The following PELI2 variants were observed in gnomAD, a reference collection of about 807,000 sequenced individuals.
PELI2 encodes E3 ubiquitin-protein ligase pellino homolog 2.
Under a neutral mutation model 42.3 loss-of-function variants are expected in PELI2, and 23 were observed. That is an observed-to-expected ratio of 0.54 (90% CI 0.39 to 0.77). The LOEUF (loss-of-function observed/expected upper bound fraction) is 0.77, where lower values mean the gene tolerates loss of function less well. Ranked by LOEUF, PELI2 falls within the 30% of genes least tolerant of loss-of-function variation. PELI2 has a pLI of 0.00. For synonymous variants in PELI2, 245 were observed against 212.2 expected, an observed-to-expected ratio of 1.15 and a Z score of -1.34; for missense variants, 463 against 553.2, an observed-to-expected ratio of 0.84 and a Z score of 1.64.
chr14:56,118,884 G>C (rs1406922429), intron 1 of PELI2, 147 bp downstream of exon 1: 13 of 453,196 alleles, frequency 2.9e-5, no homozygotes, highest in African/African-American at 2.5e-4. Context: ...CCCGGACGGC[G>C]GCGCGGGGGC....
intron 3 of PELI2, among the ~76,000 whole-genome samples, chr14:56,285,969 G>A (rs1245925165): frequency 6.6e-6 from 1 of 152,120 alleles, no homozygotes; most frequent in Admixed American, 6.6e-5. Context: ...CAAATTGAGA[G>A]GAAACTTTTA....
intron 1 of PELI2, among the ~76,000 whole-genome samples, chr14:56,126,555 G>GTT (rs1037192613): frequency 1.8e-4 from 28 of 152,318 alleles, no homozygotes; most frequent in African/African-American, 6.7e-4. Flanking sequence ...GCAGTTGTGT[G>GTT]TTTGGCTTCT....
intron 2 of PELI2, among the ~76,000 whole-genome samples, chr14:56,261,106 A>G (rs1314211548): frequency 6.6e-6 from 1 of 151,728 alleles, no homozygotes; most frequent in Non-Finnish European, 1.5e-5. Context: ...CTTCCCAGTT[A>G]TTCAAGTTTG....
At chr14:56,136,450 G>C (rs938335454) in intron 1 of PELI2, among the ~76,000 whole-genome samples, 1 of 152,184 alleles carries the variant, frequency 6.6e-6, no homozygotes, top group Non-Finnish European at 1.5e-5. Flanking sequence ...TTGAAAATGA[G>C]ATTAAATCAG....
intron 5 of PELI2, among the ~76,000 whole-genome samples, chr14:56,294,721 A>G (rs1382845386): frequency 6.6e-6 from 1 of 152,162 alleles, no homozygotes; most frequent in Admixed American, 6.5e-5. Context: ...TTCGAGCCTG[A>G]TCTGTCTCCA....
intron 2 of PELI2, among the ~76,000 whole-genome samples, chr14:56,267,059 TG>T (rs2139846997): frequency 6.6e-6 from 1 of 152,210 alleles, no homozygotes; most frequent in East Asian, 1.9e-4. Context: ...CTAGTAGTAG[TG>T]GCTTTCTTAG....
intron 2 of PELI2, among the ~76,000 whole-genome samples, chr14:56,224,327 C>G (rs1566647971): frequency 6.6e-6 from 1 of 152,234 alleles, no homozygotes; most frequent in African/African-American, 2.4e-5. Context: ...TTTACTCAAT[C>G]TGTCTTGAAT....
chr14:56,301,252 G>A lies in PELI2; in HGVS notation c.*4086G>A, dbSNP rs868645110. 1.3e-5 allele frequency: 2 copies of A among 152,674 alleles called. No individual in the cohort carries two copies. Among genetic ancestry groups the A allele is most frequent in the East Asian group, 3.9e-4 (2 of 5,178 alleles). 9.5% of individuals were successfully genotyped at this position (152,674 alleles called of 1,614,324 possible). On this transcript the variant is annotated 3_prime_UTR_variant, in exon 6 of 6. Coordinates refer to ENST00000267460, the MANE Select transcript of PELI2 (RefSeq NM_021255.3). ...CACTATTGTACCTGTGGAAATACAA[G>A]CCATTTTACAGGAAAAAATCTTCAA...
intron 5 of PELI2, among the ~76,000 whole-genome samples, chr14:56,293,778 G>T (rs962085663): frequency 6.6e-6 from 1 of 152,168 alleles, no homozygotes; most frequent in Non-Finnish European, 1.5e-5. Context: ...GGAGTCAAGG[G>T]TATGTGGAAA....
chr14:56,274,935 T>A (rs1030338163), intron 2 of PELI2, among the ~76,000 whole-genome samples: 1 of 152,204 alleles, frequency 6.6e-6, no homozygotes, highest in South Asian at 2.1e-4. Context: ...TAAAGTGGTT[T>A]TTATAGACTC....
chr14:56,225,576 G>A (rs1022862149), intron 2 of PELI2, among the ~76,000 whole-genome samples: 1 of 152,184 alleles, frequency 6.6e-6, no homozygotes, highest in Non-Finnish European at 1.5e-5. Context: ...GCAGAGCCTG[G>A]GCCATTCTAC....
At chr14:56,215,874 C>T (rs1379901778) in intron 2 of PELI2, among the ~76,000 whole-genome samples, 1 of 152,178 alleles carries the variant, frequency 6.6e-6, no homozygotes, top group East Asian at 1.9e-4. Flanking sequence ...AAAGTAATGA[C>T]ACTACAGTGG....
chr14:56,139,616 A>C (rs80243169), intron 1 of PELI2, among the ~76,000 whole-genome samples: 2,891 of 152,252 alleles, frequency 0.019, 88 homozygotes, highest in African/African-American at 0.066. Flanking sequence ...TTTTAAAAAA[A>C]TTCTTACTGC....
intron 1 of PELI2, chr14:56,119,869 T>G (rs1882999451): frequency 1.0e-6 from 1 of 984,090 alleles, no homozygotes; most frequent in Admixed American, 6.1e-5. Flanking sequence ...ATAGGTAGGC[T>G]TAGCACACAT....
chr14:56,210,710 GC>G (rs1886683635), intron 2 of PELI2, among the ~76,000 whole-genome samples: 2 of 152,222 alleles, frequency 1.3e-5, no homozygotes, highest in Admixed American at 1.3e-4. Context: ...GTTCCATTTG[GC>G]CACCACATGT....
chr14:56,124,017 G>C (rs1413161975), intron 1 of PELI2, among the ~76,000 whole-genome samples: 1 of 152,188 alleles, frequency 6.6e-6, no homozygotes, highest in Non-Finnish European at 1.5e-5. Context: ...AATTTATAAT[G>C]TCTTTTGATT....
At chr14:56,129,808 C>T (rs950943194) in intron 1 of PELI2, among the ~76,000 whole-genome samples, 16 of 152,128 alleles carry the variant, frequency 1.1e-4, no homozygotes, top group Admixed American at 1.0e-3. Context: ...GGCATTTAGC[C>T]CCCAGACCAG....
intron 5 of PELI2, among the ~76,000 whole-genome samples, chr14:56,296,150 C>T (rs1889992298): frequency 6.6e-6 from 1 of 152,208 alleles, no homozygotes; most frequent in Non-Finnish European, 1.5e-5. Context: ...TTTGGACCCT[C>T]CAGTAATGAC....
At chr14:56,242,506 A>G (rs971630002) in intron 2 of PELI2, among the ~76,000 whole-genome samples, 1 of 152,206 alleles carries the variant, frequency 6.6e-6, no homozygotes, top group African/African-American at 2.4e-5. Flanking sequence ...CTGGGCATCT[A>G]CCCAAAGGAA....
Sources: gnomAD v4.1 joint callset for allele counts (sites outside exome capture counted in the v4.1 genomes callset) on GRCh38, gnomAD v4.1.1 for gene constraint, MANE v1.5 for transcripts, NCBI Gene and HGNC (gene_info 2026-07-23, HGNC 2026-07-21) for gene names.